Variants in LRRC4C observed in about 807,000 individuals in gnomAD.
LRRC4C encodes leucine rich repeat containing 4C, also known as leucine-rich repeat-containing protein 4C.
LRRC4C carries 5 observed loss-of-function variants against 33.6 expected under a neutral mutation model. The ratio of observed to expected loss-of-function variants is 0.15; its 90% CI spans 0.08 to 0.31. The LOEUF (loss-of-function observed/expected upper bound fraction) is 0.31, where lower values mean the gene tolerates loss of function less well. LRRC4C is among the 10% of genes least tolerant of loss of function. The pLI, the probability that LRRC4C is intolerant of heterozygous loss-of-function variation, is 1.00. For synonymous variants in LRRC4C, 329 were observed against 302.0 expected, an observed-to-expected ratio of 1.09 and a Z score of -0.93; for missense variants, 560 against 796.7, an observed-to-expected ratio of 0.70 and a Z score of 3.58.
chr11:41,324,891 C>A (rs1247687980), intron 1 of LRRC4C, among the ~76,000 whole-genome samples: 1 of 152,206 alleles, frequency 6.6e-6, no homozygotes, highest in East Asian at 1.9e-4. Context: ...GGATTTTACA[C>A]TTGTATCATA....
chr11:41,269,882 G>A (rs1230895777), intron 1 of LRRC4C, among the ~76,000 whole-genome samples: 16 of 152,070 alleles, frequency 1.1e-4, no homozygotes, highest in Admixed American at 9.8e-4. Context: ...TAGCAGGGTT[G>A]TGATAATCCA....
intron 1 of LRRC4C, chr11:41,426,159 A>G (rs1490573676): frequency 6.6e-6 from 1 of 152,246 alleles, no homozygotes; most frequent in Non-Finnish European, 1.5e-5. Context: ...AGCCAGCACT[A>G]TGCAGAATCC....
At chr11:40,396,805 C>T (rs927366165) in intron 3 of LRRC4C, among the ~76,000 whole-genome samples, 3 of 152,020 alleles carry the variant, frequency 2.0e-5, no homozygotes, top group Admixed American at 1.3e-4. Flanking sequence ...TATGCAAACA[C>T]GTTCCAGTGA....
intron 2 of LRRC4C, among the ~76,000 whole-genome samples, chr11:40,912,690 A>C (rs909195046): frequency 1.8e-4 from 27 of 152,284 alleles, no homozygotes; most frequent in African/African-American, 6.0e-4. Flanking sequence ...AAATTCACAC[A>C]TAACAATATT....
At chr11:40,553,013 G>T (rs1166835450) in intron 3 of LRRC4C, among the ~76,000 whole-genome samples, 1 of 152,172 alleles carries the variant, frequency 6.6e-6, no homozygotes, top group African/African-American at 2.4e-5. Context: ...ACTCATGTAT[G>T]TAACCCCAGT....
At chr11:40,483,337 G>A (rs1017853168) in intron 3 of LRRC4C, among the ~76,000 whole-genome samples, 3 of 152,156 alleles carry the variant, frequency 2.0e-5, no homozygotes, top group Non-Finnish European at 4.4e-5. Flanking sequence ...AAAATATCTG[G>A]TGACTGTAGT....
chr11:40,742,866 T>A (rs1948227101), intron 2 of LRRC4C, among the ~76,000 whole-genome samples: 1 of 151,998 alleles, frequency 6.6e-6, no homozygotes, highest in Admixed American at 6.6e-5. Flanking sequence ...AATATGTGAG[T>A]ACAGAGTAGG....
At chr11:40,721,163 A>G (rs1591548541) in intron 2 of LRRC4C, among the ~76,000 whole-genome samples, 1 of 152,190 alleles carries the variant, frequency 6.6e-6, no homozygotes, top group Non-Finnish European at 1.5e-5. Context: ...AAATTTATCT[A>G]TTAAAATCTA....
intron 3 of LRRC4C, among the ~76,000 whole-genome samples, chr11:40,574,686 G>C (rs1227175334): frequency 6.6e-6 from 1 of 152,128 alleles, no homozygotes; most frequent in East Asian, 1.9e-4. Flanking sequence ...CAGATCATGG[G>C]GGTGGAGCTG....
chr11:40,655,330 C>T (rs528741372), intron 2 of LRRC4C, among the ~76,000 whole-genome samples: 4 of 152,286 alleles, frequency 2.6e-5, no homozygotes, highest in African/African-American at 7.2e-5. Context: ...TTTGAATGAT[C>T]AAGTGCCATT....
chr11:40,970,407 C>T (rs1234369506), intron 1 of LRRC4C, among the ~76,000 whole-genome samples: 1 of 152,252 alleles, frequency 6.6e-6, no homozygotes, highest in East Asian at 1.9e-4. Flanking sequence ...TTCCCCTTCA[C>T]CTTTCACCAT....
chr11:40,528,739 C>T (rs1430747948), intron 3 of LRRC4C, among the ~76,000 whole-genome samples: 1 of 151,968 alleles, frequency 6.6e-6, no homozygotes, highest in African/African-American at 2.4e-5. Flanking sequence ...GGGAAAAATC[C>T]AAACAAATAT....
At chr11:41,065,353 T>G (rs1009018249) in intron 1 of LRRC4C, among the ~76,000 whole-genome samples, 5 of 152,108 alleles carry the variant, frequency 3.3e-5, no homozygotes, top group Non-Finnish European at 7.4e-5. Flanking sequence ...TCTAGATTCC[T>G]CCTCACTGGG....
In LRRC4C at chr11:40,437,259, T is replaced by C. The variant is rs150789734; in HGVS notation, c.-269-117538A>G. Among the ~76,000 whole-genome samples the C allele has an allele frequency of 4.9e-3, 739 of 152,306 alleles. 4 individuals carry two copies. The highest frequency in any genetic ancestry group is 0.016 in the African/African-American group (685 of 41,564). ...TGCATCATTGTTTCACATATACACA[T>C]TGTAATTGCAGATTGCACTACTCTG... On this transcript the variant is annotated intron_variant, in intron 3 of 6. Coordinates refer to ENST00000528697, the MANE Select transcript of LRRC4C (RefSeq NM_001258419.2).
intron 1 of LRRC4C, among the ~76,000 whole-genome samples, chr11:41,139,598 A>AC (rs897260290): frequency 2.0e-5 from 3 of 152,248 alleles, no homozygotes; most frequent in African/African-American, 7.2e-5. Context: ...TTATCCAAGC[A>AC]CCAAAAAGTC....
intron 1 of LRRC4C, among the ~76,000 whole-genome samples, chr11:41,194,925 T>C (rs1007202636): frequency 2.0e-5 from 3 of 152,082 alleles, no homozygotes; most frequent in Non-Finnish European, 4.4e-5. Context: ...GTACTGATCC[T>C]AGTTCCTGCG....
At chr11:40,353,983 A>C (rs1180779116) in intron 3 of LRRC4C, among the ~76,000 whole-genome samples, 1 of 152,102 alleles carries the variant, frequency 6.6e-6, no homozygotes, top group Non-Finnish European at 1.5e-5. Context: ...GTTTCTACCC[A>C]TCTGTCTTAG....
chr11:40,941,675 G>T (rs532468013), intron 1 of LRRC4C, among the ~76,000 whole-genome samples: 1 of 152,038 alleles, frequency 6.6e-6, no homozygotes, highest in Non-Finnish European at 1.5e-5. Context: ...AGTTTTGATT[G>T]TTTTAACCTA....
intron 1 of LRRC4C, among the ~76,000 whole-genome samples, chr11:40,942,308 A>G (rs1958190631): frequency 6.6e-6 from 1 of 152,206 alleles, no homozygotes; most frequent in Non-Finnish European, 1.5e-5. Flanking sequence ...TAGGACTATC[A>G]GTCAATTATA....
Sources: allele counts gnomAD v4.1 joint callset (sites outside exome capture counted in the v4.1 genomes callset), GRCh38; gene constraint gnomAD v4.1.1; transcripts MANE v1.5; gene names NCBI Gene and HGNC (gene_info 2026-07-23, HGNC 2026-07-21).